The following DLG2 variants were observed in gnomAD, a reference collection of about 807,000 sequenced individuals.
The protein encoded by DLG2 is discs large MAGUK scaffold protein 2, also known as disks large homolog 2.
DLG2 carries 45 observed loss-of-function variants against 132.5 expected under a neutral mutation model. The observed-to-expected ratio is 0.34, with a 90% CI of 0.27 to 0.44. The LOEUF is 0.44. Ranked by LOEUF, DLG2 falls within the 20% of genes least tolerant of loss-of-function variation. The pLI is 1.00. For missense variants in DLG2, 1,045 were observed against 1,196.9 expected (o/e 0.87, Z 1.87); for synonymous variants, 424 against 419.6 (o/e 1.01, Z -0.13).
intron 6 of DLG2, among the ~76,000 whole-genome samples, chr11:84,909,629 C>A (rs748387435): frequency 2.0e-5 from 3 of 152,084 alleles, no homozygotes; most frequent in Admixed American, 2.0e-4. Context: ...GCTCTTTTGA[C>A]CCATTTTGAT....
chr11:85,380,284 C>G lies in DLG2; in HGVS notation c.41-94919G>C, dbSNP rs150495084. On this transcript the variant is annotated intron_variant, in intron 3 of 27. Coordinates refer to ENST00000376104, the MANE Select transcript of DLG2 (RefSeq NM_001142699.3). ...CCCTCAATATTCCCTTTTCAAAAAT[C>G]TCTGCATCGAAATACGTTCCATATC... Among the ~76,000 whole-genome samples the G allele has an allele frequency of 1.6e-3, 250 of 152,318 alleles. 3 individuals carry two copies. The highest frequency in any genetic ancestry group is 5.8e-3 in the African/African-American group (242 of 41,570).
At chr11:83,772,987 T>C (rs1786133802) in intron 18 of DLG2, among the ~76,000 whole-genome samples, 1 of 152,208 alleles carries the variant, frequency 6.6e-6, no homozygotes, top group African/African-American at 2.4e-5. Flanking sequence ...TATGTTAGCA[T>C]TAAAAATAAA....
intron 18 of DLG2, among the ~76,000 whole-genome samples, chr11:83,736,268 T>G (rs147481203): frequency 3.2e-3 from 492 of 152,276 alleles, no homozygotes; most frequent in Non-Finnish European, 5.4e-3. Context: ...CTGAGCAGAT[T>G]AGATTACTTA....
rs1371198443 is a variant in DLG2, at chr11:85,111,712, G to A, written c.306C>T (p.Ala102=). The A allele has an allele frequency of 1.1e-5, 17 of 1,561,392 alleles. No homozygotes were observed. The highest frequency in any genetic ancestry group is 1.5e-5 in the Non-Finnish European group (17 of 1,152,174). Residue 102 remains alanine (A), a synonymous_variant, in exon 6 of 28, where the codon GCC becomes GCT. Coordinates refer to ENST00000376104, the MANE Select transcript of DLG2 (RefSeq NM_001142699.3). ...CAGGGGCTTCCACTGAACAATTCTG[G>A]GCTGGGCATCTGCCTTGGTTTTGCT... is the stretch of plus-strand genomic sequence containing the variant. ...TTTQNQGRCP[A]QNCSVEAPAW...
chr11:84,257,919 T>C (rs2097500679), intron 7 of DLG2, among the ~76,000 whole-genome samples: 1 of 152,100 alleles, frequency 6.6e-6, no homozygotes, highest in African/African-American at 2.4e-5. Context: ...ACTCCTAGAC[T>C]CAAGTGATCC....
At chr11:84,384,950 G>C (rs1344516513) in intron 7 of DLG2, among the ~76,000 whole-genome samples, 2 of 152,106 alleles carry the variant, frequency 1.3e-5, no homozygotes, top group Non-Finnish European at 2.9e-5. Flanking sequence ...CCATGTGCCA[G>C]GTGCAGGGGT....
chr11:83,893,409 C>G (rs1024109124), intron 15 of DLG2, among the ~76,000 whole-genome samples: 1 of 152,184 alleles, frequency 6.6e-6, no homozygotes, highest in Non-Finnish European at 1.5e-5. Flanking sequence ...CTATCACTCC[C>G]TAACCTAGCC....
chr11:84,646,524 A>C (rs1408909887), intron 6 of DLG2, among the ~76,000 whole-genome samples: 1 of 152,132 alleles, frequency 6.6e-6, no homozygotes, highest in African/African-American at 2.4e-5. Context: ...CAGACTTCTC[A>C]TCACCCAGAA....
At chr11:83,497,764 T>C (rs2094226976) in intron 21 of DLG2, among the ~76,000 whole-genome samples, 3 of 152,268 alleles carry the variant, frequency 2.0e-5, no homozygotes, top group African/African-American at 7.2e-5. Flanking sequence ...TTTTCAGCTC[T>C]ATCTATTGTC....
intron 18 of DLG2, chr11:83,725,070 T>G: frequency 1.7e-6 from 1 of 573,596 alleles, no homozygotes. Flanking sequence ...TAGTTTGAGA[T>G]GCTTTGCAAC....
intron 11 of DLG2, among the ~76,000 whole-genome samples, chr11:83,982,198 T>A (rs1295118696): frequency 6.6e-6 from 1 of 152,130 alleles, no homozygotes; most frequent in Non-Finnish European, 1.5e-5. Context: ...ACACTATGCT[T>A]TTTATTGTTA....
At chr11:84,231,679 G>A (rs951030752) in intron 8 of DLG2, among the ~76,000 whole-genome samples, 3 of 152,112 alleles carry the variant, frequency 2.0e-5, no homozygotes, top group Non-Finnish European at 4.4e-5. Context: ...TATCATACTA[G>A]TGAGTTTATA....
intron 8 of DLG2, among the ~76,000 whole-genome samples, chr11:84,212,762 G>A (rs2096773204): frequency 6.6e-6 from 1 of 152,086 alleles, no homozygotes; most frequent in Admixed American, 6.5e-5. Context: ...CGGTTCAAGC[G>A]AATCTACTGC....
intron 6 of DLG2, among the ~76,000 whole-genome samples, chr11:84,684,138 C>T (rs554909649): frequency 1.3e-5 from 2 of 152,254 alleles, no homozygotes; most frequent in African/African-American, 4.8e-5. Context: ...AGGATAGATG[C>T]AATGTGTATT....
chr11:84,055,666 A>G (rs1178414331), intron 11 of DLG2, among the ~76,000 whole-genome samples: 1 of 152,004 alleles, frequency 6.6e-6, no homozygotes, highest in Non-Finnish European at 1.5e-5. Flanking sequence ...GTCTGTTTTA[A>G]TTTATATTTC....
At chr11:84,226,959 G>A (rs773593792) in intron 8 of DLG2, among the ~76,000 whole-genome samples, 35 of 151,912 alleles carry the variant, frequency 2.3e-4, no homozygotes, top group Non-Finnish European at 4.0e-4. Context: ...GGTGGTGGGC[G>A]CCTGTAATCC....
rs539031364 is a variant in DLG2 at position 83,568,542 on chromosome 11, A to T, written c.1941-26684T>A. Among the ~76,000 whole-genome samples the T allele has an allele frequency of 2.0e-5, 3 of 152,288 alleles. No individual in the cohort carries two copies. In the South Asian group the frequency reaches 6.2e-4, roughly 32 times the overall value. ...TGAGATTGCCCTTAGAGATTAAAGT[A>T]AGGAAAAAAGCTGAAGGTAAAACCC... On this transcript the variant is annotated intron_variant, in intron 19 of 27. Coordinates refer to ENST00000376104, the MANE Select transcript of DLG2 (RefSeq NM_001142699.3).
chr11:83,668,848 C>CATAT lies in DLG2; in HGVS notation c.1826-35524_1826-35523insATAT, dbSNP rs1215231776. ...ATATATGTGTATATAAACACACACA[C>CATAT]ACATATATATATATATATATTTTTT... On this transcript the variant is annotated intron_variant, in intron 18 of 27. Transcript: ENST00000376104. 1.8e-3 allele frequency among the ~76,000 whole-genome samples: 186 copies of CATAT among 105,076 alleles called. 9 individuals are homozygous for CATAT. The highest frequency in any genetic ancestry group is 0.011 in the East Asian group (47 of 4,270). The allele number at this position is 105,076 out of a possible 152,430, so 68.9% of individuals were successfully genotyped here.
chr11:84,321,077 A>G (rs1271481467), intron 7 of DLG2, among the ~76,000 whole-genome samples: 1 of 152,208 alleles, frequency 6.6e-6, no homozygotes, highest in Non-Finnish European at 1.5e-5. Flanking sequence ...TACTTCTACC[A>G]GAAATTTGTT....
Sources: gnomAD v4.1 joint callset for allele counts (sites outside exome capture counted in the v4.1 genomes callset) on GRCh38, gnomAD v4.1.1 for gene constraint, MANE v1.5 for transcripts, NCBI Gene and HGNC (gene_info 2026-07-23, HGNC 2026-07-21) for gene names.